Variants in HEMK2 observed in about 807,000 individuals in gnomAD.
HEMK2 encodes the protein methyltransferase HEMK2.
chr21:28,657,629 A>T, the HEMK2 span, among the ~76,000 whole-genome samples: 1 of 151,970 alleles, frequency 6.6e-6, no homozygotes, highest in East Asian at 1.9e-4. Context: ...TGAGATTCAT[A>T]TCCTCATAAC....
At chr21:28,874,229 G>A in the HEMK2 span, 1 of 152,228 alleles carries the variant, frequency 6.6e-6, no homozygotes, top group Non-Finnish European at 1.5e-5. Flanking sequence ...GTAATGCTGT[G>A]TGGAATACCA....
the HEMK2 span, among the ~76,000 whole-genome samples, chr21:28,803,721 T>C: frequency 6.6e-6 from 1 of 152,236 alleles, no homozygotes; most frequent in Non-Finnish European, 1.5e-5. Flanking sequence ...TTCACCCACA[T>C]AGATTTTCTG....
At chr21:28,619,015 A>G in the HEMK2 span, among the ~76,000 whole-genome samples, 1 of 152,166 alleles carries the variant, frequency 6.6e-6, no homozygotes, top group Non-Finnish European at 1.5e-5. Context: ...TCACTAGCGT[A>G]GGCCTTAACT....
At chr21:28,594,632 A>G in the HEMK2 span, among the ~76,000 whole-genome samples, 1 of 152,216 alleles carries the variant, frequency 6.6e-6, no homozygotes, top group Non-Finnish European at 1.5e-5. Flanking sequence ...GGTAGTTGTA[A>G]CTTTCATTAT....
chr21:28,806,880 C>A, the HEMK2 span, among the ~76,000 whole-genome samples: 10 of 152,104 alleles, frequency 6.6e-5, no homozygotes, highest in Non-Finnish European at 2.9e-5. Flanking sequence ...TGATTTCAGA[C>A]CTCTAGCCTC....
the HEMK2 span, among the ~76,000 whole-genome samples, chr21:28,829,081 A>T: frequency 3.3e-5 from 5 of 152,174 alleles, no homozygotes; most frequent in African/African-American, 1.2e-4. Context: ...CTCCTCTTAA[A>T]ATTTCTAATT....
At chr21:28,830,036 G>A in the HEMK2 span, among the ~76,000 whole-genome samples, 6 of 152,272 alleles carry the variant, frequency 3.9e-5, no homozygotes, top group East Asian at 1.2e-3. Flanking sequence ...GCCACATTTT[G>A]TCTCCCTGAA....
At chr21:28,714,300 A>C in the HEMK2 span, among the ~76,000 whole-genome samples, 1 of 152,178 alleles carries the variant, frequency 6.6e-6, no homozygotes, top group Admixed American at 6.6e-5. Flanking sequence ...TAGATATATT[A>C]TTTCTACTCT....
the HEMK2 span, among the ~76,000 whole-genome samples, chr21:28,737,038 G>C: frequency 1.1e-4 from 17 of 152,248 alleles, no homozygotes; most frequent in South Asian, 3.3e-3. Flanking sequence ...AAGAGACAAG[G>C]GTCCCAGTAA....
the HEMK2 span, among the ~76,000 whole-genome samples, chr21:28,856,509 TAG>T: frequency 6.6e-6 from 1 of 152,166 alleles, no homozygotes; most frequent in East Asian, 1.9e-4. Context: ...GATGGCCAAT[TAG>T]AAGCAGCTGC....
the HEMK2 span, among the ~76,000 whole-genome samples, chr21:28,863,094 G>A: frequency 4.6e-5 from 7 of 152,196 alleles, no homozygotes; most frequent in Non-Finnish European, 7.4e-5. Context: ...GTGTGTCTCT[G>A]AGGGTGTTGC....
chr21:28,780,178 A>G, the HEMK2 span, among the ~76,000 whole-genome samples: 152,086 of 152,086 alleles, frequency 1, 76,043 homozygotes, highest in Non-Finnish European at 1. Flanking sequence ...GACTGACCTA[A>G]ACAATTTTTT....
At chr21:28,715,702 T>G in the HEMK2 span, among the ~76,000 whole-genome samples, 2 of 152,220 alleles carry the variant, frequency 1.3e-5, no homozygotes, top group African/African-American at 2.4e-5. Context: ...AACTTAGTCA[T>G]AAACTCTTTG....
At chr21:28,651,031 G>A in the HEMK2 span, among the ~76,000 whole-genome samples, 2 of 152,212 alleles carry the variant, frequency 1.3e-5, no homozygotes, top group African/African-American at 4.8e-5. Context: ...CAAGAGGAGA[G>A]GAGACCGTAG....
the HEMK2 span, among the ~76,000 whole-genome samples, chr21:28,823,481 T>C: frequency 1.8e-4 from 28 of 152,318 alleles, no homozygotes; most frequent in African/African-American, 6.3e-4. Context: ...TGCTTTTTGT[T>C]GTTGTTGTTT....
chr21:28,791,996 A>T, the HEMK2 span, among the ~76,000 whole-genome samples: 1 of 152,190 alleles, frequency 6.6e-6, no homozygotes, highest in South Asian at 2.1e-4. Context: ...TGGCAACGAA[A>T]GTGATCTTTG....
At chr21:28,685,355 GTA>G in the HEMK2 span, among the ~76,000 whole-genome samples, 11 of 151,974 alleles carry the variant, frequency 7.2e-5, no homozygotes, top group African/African-American at 2.7e-4. Context: ...CCAAAAGCCA[GTA>G]TACCAGAAAG....
chr21:28,670,828 T>C, the HEMK2 span, among the ~76,000 whole-genome samples: 59 of 152,296 alleles, frequency 3.9e-4, no homozygotes, highest in African/African-American at 1.3e-3. Flanking sequence ...AACTGTCGAA[T>C]GCTTATAAAA....
At chr21:28,582,356 C>A in the HEMK2 span, among the ~76,000 whole-genome samples, 2 of 152,140 alleles carry the variant, frequency 1.3e-5, no homozygotes, top group African/African-American at 4.8e-5. Context: ...AGATGGTAAG[C>A]TTTCCAAGGC....
Sources: gnomAD v4.1 joint callset for allele counts (sites outside exome capture counted in the v4.1 genomes callset) on GRCh38, gnomAD v4.1.1 for gene constraint, MANE v1.5 for transcripts, NCBI Gene and HGNC (gene_info 2026-07-23, HGNC 2026-07-21) for gene names.